The following NAALADL2 variants were observed in gnomAD, a reference collection of about 807,000 sequenced individuals.
NAALADL2 encodes N-acetylated alpha-linked acidic dipeptidase like 2.
A neutral mutation model predicts 87.2 loss-of-function variants in NAALADL2; 76 were observed. The observed-to-expected ratio is 0.87, with a 90% confidence interval of 0.72 to 1.05. The LOEUF (loss-of-function observed/expected upper bound fraction) is 1.05, where lower values mean the gene tolerates loss of function less well. Ranked by LOEUF, NAALADL2 falls within the 50% of genes least tolerant of loss-of-function variation. The probability of loss-of-function intolerance (pLI) is 0.00; values close to 1 mark genes in which losing one functional copy is unlikely to be tolerated. For synonymous variants in NAALADL2, 354 were observed against 331.0 expected, an observed-to-expected ratio of 1.07 and a Z score of -0.75; for missense variants, 1,089 against 945.8, an observed-to-expected ratio of 1.15 and a Z score of -1.99.
chr3:174,896,924 A>G (rs1444875225), intron 1 of NAALADL2, among the ~76,000 whole-genome samples: 3 of 152,184 alleles, frequency 2.0e-5, no homozygotes, highest in Admixed American at 6.5e-5. Context: ...GCACTGGGGT[A>G]AAGACAGTCT....
At chr3:175,292,833 C>G (rs1379763477) in intron 4 of NAALADL2, among the ~76,000 whole-genome samples, 2 of 151,318 alleles carry the variant, frequency 1.3e-5, no homozygotes, top group Admixed American at 6.6e-5. Flanking sequence ...GTCAGGAGAT[C>G]GAGACCATCC....
chr3:174,624,208 A>G (rs1209507888), intron 2 of NAALADL2, among the ~76,000 whole-genome samples: 3 of 152,172 alleles, frequency 2.0e-5, no homozygotes, highest in African/African-American at 7.2e-5. Context: ...TAGAAAAGTA[A>G]GAAAAACTGC....
At chr3:175,477,674 T>C (rs574807068) in intron 9 of NAALADL2, among the ~76,000 whole-genome samples, 12 of 152,256 alleles carry the variant, frequency 7.9e-5, no homozygotes, top group African/African-American at 2.2e-4. Flanking sequence ...AATATGCTTT[T>C]GCATATACAT....
chr3:175,186,819 A>T (rs377467898), intron 2 of NAALADL2, among the ~76,000 whole-genome samples: 6 of 152,026 alleles, frequency 3.9e-5, no homozygotes, highest in East Asian at 3.9e-4. Flanking sequence ...TACATTACAG[A>T]TTCTGTTCAA....
intron 3 of NAALADL2, among the ~76,000 whole-genome samples, chr3:174,741,887 AT>A (rs1733802339): frequency 6.6e-6 from 1 of 151,734 alleles, no homozygotes. Context: ...AATCTGTAAT[AT>A]TTCATCTGCA....
intron 5 of NAALADL2, among the ~76,000 whole-genome samples, chr3:175,352,722 A>G (rs1763908011): frequency 1.3e-5 from 2 of 152,230 alleles, no homozygotes; most frequent in Admixed American, 1.3e-4. Context: ...AGAATTGAAC[A>G]GCAGCTTGAA....
intron 3 of NAALADL2, among the ~76,000 whole-genome samples, chr3:174,763,953 A>C (rs1291810079): frequency 6.6e-6 from 1 of 152,198 alleles, no homozygotes; most frequent in Non-Finnish European, 1.5e-5. Context: ...TTCCTATTTT[A>C]AATGAGGAAA....
intron 2 of NAALADL2, among the ~76,000 whole-genome samples, chr3:174,695,367 A>G (rs1218236731): frequency 6.6e-6 from 1 of 152,020 alleles, no homozygotes; most frequent in African/African-American, 2.4e-5. Flanking sequence ...TAAGTACAGG[A>G]GTTCAGATTC....
chr3:175,547,381 G>A (rs1171740207), intron 9 of NAALADL2, among the ~76,000 whole-genome samples: 1 of 151,686 alleles, frequency 6.6e-6, no homozygotes, highest in African/African-American at 2.4e-5. Context: ...GATTAAAACT[G>A]GGCCATTACC....
chr3:175,229,378 T>C (rs1354868748), intron 2 of NAALADL2, among the ~76,000 whole-genome samples: 1 of 152,054 alleles, frequency 6.6e-6, no homozygotes, highest in Non-Finnish European at 1.5e-5. Flanking sequence ...AGTATTCCAC[T>C]ACACCAGCAA....
At chr3:174,934,086 C>A (rs544152819) in intron 1 of NAALADL2, among the ~76,000 whole-genome samples, 1 of 152,182 alleles carries the variant, frequency 6.6e-6, no homozygotes, top group Admixed American at 6.5e-5. Flanking sequence ...GTCCAACACA[C>A]AAGTTTGGAA....
chr3:174,973,695 G>A (rs1743999845), intron 1 of NAALADL2, among the ~76,000 whole-genome samples: 1 of 152,134 alleles, frequency 6.6e-6, no homozygotes, highest in South Asian at 2.1e-4. Context: ...CATACCTAAG[G>A]TATGCGGTAT....
intron 13 of NAALADL2, among the ~76,000 whole-genome samples, chr3:175,774,560 G>A (rs1309792156): frequency 6.6e-6 from 1 of 151,656 alleles, no homozygotes; most frequent in Non-Finnish European, 1.5e-5. Flanking sequence ...TGACTCATTG[G>A]TTTGTTTGCA....
At chr3:175,192,664 T>C (rs1340214684) in intron 2 of NAALADL2, among the ~76,000 whole-genome samples, 1 of 152,038 alleles carries the variant, frequency 6.6e-6, no homozygotes, top group Admixed American at 6.6e-5. Flanking sequence ...ATGACAACAG[T>C]CACTACTTTC....
intron 2 of NAALADL2, among the ~76,000 whole-genome samples, chr3:174,647,397 G>A (rs900411214): frequency 1.3e-5 from 2 of 152,214 alleles, no homozygotes; most frequent in East Asian, 3.9e-4. Flanking sequence ...TCATTGGGGA[G>A]TGAAGTGGTG....
chr3:175,762,174 G>A (rs1461444483), intron 13 of NAALADL2, among the ~76,000 whole-genome samples: 2 of 135,868 alleles, frequency 1.5e-5, no homozygotes, highest in Admixed American at 7.8e-5. Context: ...TCATGAAAAG[G>A]ATAAGGTCTG....
At chr3:175,477,794 G>A (rs1448444805) in intron 9 of NAALADL2, among the ~76,000 whole-genome samples, 1 of 94,594 alleles carries the variant, frequency 1.1e-5, no homozygotes, top group Non-Finnish European at 2.6e-5. Context: ...AGCCATTCAA[G>A]GGTTTTTGTT....
chr3:175,147,845 G>A (rs115449175), intron 2 of NAALADL2, among the ~76,000 whole-genome samples: 4,460 of 152,026 alleles, frequency 0.029, 217 homozygotes, highest in African/African-American at 0.1. Context: ...CAAGGCAGGT[G>A]GAAAGCCTGA....
At position 174,442,647 on chromosome 3, in the gene NAALADL2, A is replaced by G. The variant is rs577047228; in HGVS notation, c.-184+1615A>G. 1.5e-3 allele frequency among the ~76,000 whole-genome samples: 231 copies of G among 152,338 alleles called. 1 individual carries two copies. Among genetic ancestry groups the G allele is most frequent in the Non-Finnish European group, 2.7e-3 (182 of 68,032 alleles). ...GTTGATTGCTTACTGCGTGCCAAGC[A>G]GTGTTCTTGACACTGGAATAAAGCA... On this transcript the variant is annotated intron_variant, in intron 1 of 3. Transcript: ENST00000434257.
Sources: gnomAD v4.1 joint callset for allele counts (sites outside exome capture counted in the v4.1 genomes callset) on GRCh38, gnomAD v4.1.1 for gene constraint, MANE v1.5 for transcripts, NCBI Gene and HGNC (gene_info 2026-07-23, HGNC 2026-07-21) for gene names.